The following ACADSB variants were observed in gnomAD, a reference collection of about 807,000 sequenced individuals.
The protein encoded by ACADSB is acyl-CoA dehydrogenase short/branched chain.
A neutral mutation model predicts 54.1 loss-of-function variants in ACADSB; 40 were observed. That is an observed-to-expected ratio of 0.74 (90% CI 0.57 to 0.96). The LOEUF (loss-of-function observed/expected upper bound fraction) is 0.96. Among genes scored for constraint, ACADSB ranks in the 40% least tolerant of loss-of-function variants. ACADSB has a pLI of 0.00. For synonymous variants in ACADSB, 182 were observed against 182.8 expected (o/e 1.00, Z 0.03); for missense variants, 530 against 510.4 (o/e 1.04, Z -0.37).
chr10:123,054,031 T>A lies in ACADSB; in HGVS notation c.*266T>A. 1 of 511,980 alleles carries A rather than the reference T, an allele frequency of 2.0e-6. No homozygotes were observed. The highest frequency in any genetic ancestry group is 3.2e-5 in the Admixed American group (1 of 31,076). 31.7% of individuals were successfully genotyped at this position (511,980 alleles called of 1,614,324 possible). On this transcript the variant is annotated 3_prime_UTR_variant, in exon 11 of 11. Transcript: ENST00000358776. ...AACTGTTTTTAAAGCTGTATACGCA[T>A]ACATATATATATTTTTACTCTGTCT...
chr10:123,038,842 T>C (rs1407964734), intron 3 of ACADSB, among the ~76,000 whole-genome samples: 2 of 152,234 alleles, frequency 1.3e-5, no homozygotes, highest in Non-Finnish European at 2.9e-5. Context: ...AGGAGGCCGA[T>C]GTGGAGAACA....
At chr10:123,051,997 C>T (rs1259363265) in intron 9 of ACADSB, among the ~76,000 whole-genome samples, 1 of 152,174 alleles carries the variant, frequency 6.6e-6, no homozygotes, top group Non-Finnish European at 1.5e-5. Context: ...TCCACTGCCA[C>T]CTCTGTACTT....
rs1171172934 is a variant in ACADSB, at chr10:123,057,298, T to C, written c.*3533T>C. 2.3e-4 allele frequency: 35 copies of C among 152,268 alleles called. No individual in the cohort carries two copies. Among genetic ancestry groups the C allele is most frequent in the Admixed American group, 2.3e-3 (35 of 15,286 alleles). 9.4% of individuals were successfully genotyped at this position (152,268 alleles called of 1,614,324 possible). On this transcript the variant is annotated 3_prime_UTR_variant, in exon 11 of 11. Coordinates refer to ENST00000358776, the MANE Select transcript of ACADSB (RefSeq NM_001609.4). ...CTAATTTGTATGTATATTTTGTGCATATTCACCAATAACAGTTAAAATTAA... is the reference window on the plus strand; with the variant it reads ...CTAATTTGTATGTATATTTTGTGCACATTCACCAATAACAGTTAAAATTAA...
At chr10:123,017,904 T>C (rs1850128523) in intron 1 of ACADSB, among the ~76,000 whole-genome samples, 1 of 152,186 alleles carries the variant, frequency 6.6e-6, no homozygotes. Flanking sequence ...ATGTCTGGGT[T>C]GTGATAAGAA....
intron 3 of ACADSB, among the ~76,000 whole-genome samples, chr10:123,040,107 A>C (rs1436253580): frequency 1.3e-5 from 2 of 151,666 alleles, no homozygotes; most frequent in Non-Finnish European, 2.9e-5. Flanking sequence ...ACACTTTGAG[A>C]GGTTGAGGTG....
At chr10:123,044,587 A>G in intron 7 of ACADSB, 102 bp downstream of exon 7, 1 of 900,804 alleles carries the variant, frequency 1.1e-6, no homozygotes, top group Non-Finnish European at 1.8e-6. Flanking sequence ...TGGACACAAG[A>G]TGGCACCGTT....
chr10:123,052,874 T>A lies in ACADSB; in HGVS notation c.1129-187T>A, dbSNP rs1017558349. The A allele has an allele frequency of 3.1e-6, 2 of 637,242 alleles. No individual in the cohort carries two copies. Among genetic ancestry groups the A allele is most frequent in the African/African-American group, 3.6e-5 (2 of 55,310 alleles). The allele number at this position is 637,242 out of a possible 1,614,324, so 39.5% of individuals were successfully genotyped here. ...CTTAAGAAAATGGGGATTCTGTGAA[T>A]TAATAGGATGTTTTACAGAAATGGT... On this transcript the variant is annotated intron_variant, in intron 9 of 10. Transcript: ENST00000358776. This position sits in a 1 kb window ranked among gnomAD's most constrained non-coding sequence, Gnocchi z 4.2.
At chr10:123,009,336 G>A (rs999267826) in intron 1 of ACADSB, among the ~76,000 whole-genome samples, 1 of 152,164 alleles carries the variant, frequency 6.6e-6, no homozygotes, top group African/African-American at 2.4e-5. Flanking sequence ...GGAGGGTCGC[G>A]TCCGCAAGAT....
At position 123,040,690 on chromosome 10, in the gene ACADSB, G is replaced by A. The variant is rs1468694684; in HGVS notation, c.510+18G>A. ...CAGAAAAAGTGAGTTGAGATGAATTGTTGATCTAATGGATCTAATCTTTAG... is the reference window on the plus strand; with the variant it reads ...CAGAAAAAGTGAGTTGAGATGAATTATTGATCTAATGGATCTAATCTTTAG... On this transcript the variant is annotated intron_variant, in intron 4 of 10. Transcript: ENST00000358776. The A allele has an allele frequency of 6.3e-7, 1 of 1,596,886 alleles. No individual in the cohort carries two copies. Among genetic ancestry groups the A allele is most frequent in the South Asian group, 1.1e-5 (1 of 90,704 alleles).
chr10:123,049,397 G>C (rs1850599532), intron 8 of ACADSB, among the ~76,000 whole-genome samples: 1 of 152,156 alleles, frequency 6.6e-6, no homozygotes, highest in Non-Finnish European at 1.5e-5. Context: ...ATTCAGCAAT[G>C]GTGAGTTCTT....
chr10:123,052,318 T>C lies in ACADSB; in HGVS notation c.1129-743T>C, dbSNP rs1306251015. Reference sequence around the variant, plus strand: ...ACAGTTGTTTCCAGCTTCTAGGGGCTGCTCACATTCCTTGACTCGTAGCCC... The same window carrying C: ...ACAGTTGTTTCCAGCTTCTAGGGGCCGCTCACATTCCTTGACTCGTAGCCC... On this transcript the variant is annotated intron_variant, in intron 9 of 10. Transcript: ENST00000358776. This position sits in a 1 kb window ranked among gnomAD's most constrained non-coding sequence, Gnocchi z 4.2. Among the ~76,000 whole-genome samples the C allele has an allele frequency of 2.6e-5, 4 of 152,348 alleles. No homozygotes were observed. The highest frequency in any genetic ancestry group is 6.5e-5 in the Admixed American group (1 of 15,300).
At chr10:123,041,401 CTT>C (rs1228377474) in intron 5 of ACADSB, 22 bp downstream of exon 5, 3 of 1,612,802 alleles carry the variant, frequency 1.9e-6, no homozygotes, top group Non-Finnish European at 2.5e-6. Flanking sequence ...AACGAAATTT[CTT>C]TCTTTTTCCA....
At chr10:123,046,339 A>G (rs1465061585) in intron 7 of ACADSB, among the ~76,000 whole-genome samples, 1 of 152,230 alleles carries the variant, frequency 6.6e-6, no homozygotes, top group African/African-American at 2.4e-5. Flanking sequence ...TAAAACCATA[A>G]TTTGACATAA....
At chr10:123,046,459 T>A (rs139286756) in intron 7 of ACADSB, among the ~76,000 whole-genome samples, 4 of 152,346 alleles carry the variant, frequency 2.6e-5, no homozygotes, top group African/African-American at 9.6e-5. Flanking sequence ...GCTAAAATTG[T>A]CACCACGTCC....
chr10:123,034,382 GTCT>G lies in ACADSB; in HGVS notation c.74_76del (p.Ser25del), dbSNP rs775142654. ...TAAGAAGAAATTTCCTGACTTGTTTGTCTTCTTGGAAGATTCCTCCTCATGTCT... is the reference window on the plus strand; with the variant it reads ...TAAGAAGAAATTTCCTGACTTGTTTGTCTTGGAAGATTCCTCCTCATGTCT... On this transcript the variant is annotated inframe_deletion, in exon 2 of 11. Transcript: ENST00000358776. 10 of 1,613,670 alleles carry G rather than the reference GTCT, an allele frequency of 6.2e-6. No individual in the cohort carries two copies. In the South Asian group the frequency reaches 1.1e-4, roughly 18 times the overall value.
At chr10:123,050,428 T>C (rs1347279584) in intron 8 of ACADSB, among the ~76,000 whole-genome samples, 1 of 152,232 alleles carries the variant, frequency 6.6e-6, no homozygotes, top group East Asian at 1.9e-4. Context: ...TTTCAGTTTG[T>C]AGTAAACATC....
Position 123,057,942 on chromosome 10 carries a change from G to A in ACADSB, c.*4177G>A, listed in dbSNP as rs886046806. The A allele has an allele frequency of 1.3e-5, 2 of 152,150 alleles. No individual in the cohort carries two copies. The highest frequency in any genetic ancestry group is 2.9e-5 in the Non-Finnish European group (2 of 68,028). The allele number at this position is 152,150 out of a possible 1,614,324, so 9.4% of individuals were successfully genotyped here. On this transcript the variant is annotated 3_prime_UTR_variant, in exon 11 of 11. Coordinates refer to ENST00000358776, the MANE Select transcript of ACADSB (RefSeq NM_001609.4). ...ATTCTTGTTATATTTCAGTACTCTTGCTGATTTATTTTAGGTTTAACTGGT... is the reference window on the plus strand; with the variant it reads ...ATTCTTGTTATATTTCAGTACTCTTACTGATTTATTTTAGGTTTAACTGGT...
At chr10:123,019,011 G>A (rs2133458640) in intron 1 of ACADSB, among the ~76,000 whole-genome samples, 1 of 152,200 alleles carries the variant, frequency 6.6e-6, no homozygotes, top group Middle Eastern at 3.4e-3. Flanking sequence ...AATCAAAACT[G>A]AATATAGTGT....
intron 3 of ACADSB, among the ~76,000 whole-genome samples, chr10:123,038,575 TA>T (rs897380093): frequency 1.3e-4 from 20 of 152,220 alleles, no homozygotes; most frequent in African/African-American, 4.8e-4. Flanking sequence ...CGCAGAGGTA[TA>T]AAATATATTT....
Sources: gnomAD v4.1 joint callset for allele counts (sites outside exome capture counted in the v4.1 genomes callset) on GRCh38, gnomAD v4.1.1 for gene constraint, Gnocchi (gnomAD v3.1) non-coding constraint, MANE v1.5 for transcripts, NCBI Gene and HGNC (gene_info 2026-07-23, HGNC 2026-07-21) for gene names.